Variants in ROBO2 observed in about 807,000 individuals in gnomAD.
ROBO2 encodes roundabout guidance receptor 2.
Under a neutral mutation model 160.8 loss-of-function variants are expected in ROBO2, and 53 were observed. The observed-to-expected ratio is 0.33, with a 90% confidence interval of 0.26 to 0.41. The LOEUF (loss-of-function observed/expected upper bound fraction) is 0.41. Ranked by LOEUF, ROBO2 falls within the 10% of genes least tolerant of loss-of-function variation. ROBO2 has a pLI of 1.00. For synonymous variants in ROBO2, 664 were observed against 611.7 expected (o/e 1.09, Z -1.26); for missense variants, 1,577 against 1,722.4 (o/e 0.92, Z 1.49).
At chr3:77,032,285 G>T (rs1183477849) in intron 2 of ROBO2, among the ~76,000 whole-genome samples, 1 of 152,072 alleles carries the variant, frequency 6.6e-6, no homozygotes, top group Non-Finnish European at 1.5e-5. Flanking sequence ...TGTTGTACTG[G>T]ATATGAATTA....
chr3:76,266,300 T>C (rs546057735), intron 2 of ROBO2, among the ~76,000 whole-genome samples: 1 of 152,284 alleles, frequency 6.6e-6, no homozygotes, highest in East Asian at 1.9e-4. Context: ...GAAAACTTTT[T>C]AAAATCAAGG....
At chr3:76,255,210 G>C (rs1341007429) in intron 2 of ROBO2, among the ~76,000 whole-genome samples, 2 of 152,038 alleles carry the variant, frequency 1.3e-5, no homozygotes, top group Non-Finnish European at 2.9e-5. Flanking sequence ...CAGGGCTTAC[G>C]TTCATCAGAA....
At chr3:76,651,647 GA>G (rs1430736992) in intron 2 of ROBO2, among the ~76,000 whole-genome samples, 3 of 151,104 alleles carry the variant, frequency 2.0e-5, no homozygotes, top group African/African-American at 7.3e-5. Context: ...ATTATGGGGA[GA>G]AAGTGAAAAA....
At chr3:77,490,329 A>C (rs1385925445) in intron 4 of ROBO2, among the ~76,000 whole-genome samples, 1 of 151,956 alleles carries the variant, frequency 6.6e-6, no homozygotes, top group Non-Finnish European at 1.5e-5. Flanking sequence ...TGACCTCGTG[A>C]TCTGCCCACC....
Position 76,806,513 on chromosome 3 carries a change from CA to C in ROBO2, c.110-291492del, listed in dbSNP as rs534102700. On this transcript the variant is annotated intron_variant, in intron 2 of 26. Coordinates refer to the ROBO2 transcript ENST00000487694. Reference sequence around the variant, plus strand: ...TAGTTTGTCTTCAATAAGTGTTTGCCAAAAAAAAACATGAATAAAAATGAAA... The same window carrying C: ...TAGTTTGTCTTCAATAAGTGTTTGCCAAAAAAAACATGAATAAAAATGAAA... Among the ~76,000 whole-genome samples the C allele has an allele frequency of 1.2e-4, 18 of 147,898 alleles. 1 individual carries two copies. Among genetic ancestry groups the C allele is most frequent in the East Asian group, 7.9e-4 (4 of 5,054 alleles).
chr3:77,091,116 A>G (rs1257855624), intron 1 of ROBO2, among the ~76,000 whole-genome samples: 3 of 152,182 alleles, frequency 2.0e-5, no homozygotes, highest in Non-Finnish European at 4.4e-5. Context: ...CTAATAGCTG[A>G]TAGGGCTATC....
chr3:75,982,074 C>A (rs1350352346), intron 2 of ROBO2, among the ~76,000 whole-genome samples: 1 of 151,502 alleles, frequency 6.6e-6, no homozygotes, highest in Non-Finnish European at 1.5e-5. Flanking sequence ...ATCTCCAGTT[C>A]CATCCATATT....
intron 2 of ROBO2, among the ~76,000 whole-genome samples, chr3:76,103,074 C>T (rs546771340): frequency 3.9e-5 from 6 of 152,158 alleles, no homozygotes; most frequent in East Asian, 3.9e-4. Context: ...CCGCCCGCCT[C>T]GGCCTCCCAA....
chr3:76,095,276 G>A (rs1227846967), intron 2 of ROBO2, among the ~76,000 whole-genome samples: 1 of 151,764 alleles, frequency 6.6e-6, no homozygotes, highest in Non-Finnish European at 1.5e-5. Flanking sequence ...TGAAAGCTAA[G>A]GCAACTATAC....
At chr3:76,276,702 T>C (rs544487023) in intron 2 of ROBO2, among the ~76,000 whole-genome samples, 1 of 152,154 alleles carries the variant, frequency 6.6e-6, no homozygotes, top group South Asian at 2.1e-4. Flanking sequence ...TAAAATGTGA[T>C]TGGTTTTTAA....
intron 2 of ROBO2, among the ~76,000 whole-genome samples, chr3:75,942,560 A>G (rs1948104343): frequency 2.0e-5 from 3 of 152,126 alleles, no homozygotes; most frequent in Non-Finnish European, 4.4e-5. Context: ...TTAGTTTTTG[A>G]TTTAAGCGTC....
At chr3:77,374,169 CAAAAAAAAAAAAAAAAAAAA>C (rs60357417) in intron 2 of ROBO2, among the ~76,000 whole-genome samples, 4 of 40,092 alleles carry the variant, frequency 1.0e-4, no homozygotes, top group Non-Finnish European at 1.5e-4. Context: ...GAGACTCCAT[CAAAAAAAAAAAAAAAAAAAA>C]AAAAAAAAAA....
intron 14 of ROBO2, among the ~76,000 whole-genome samples, chr3:77,575,044 C>T (rs766013127): frequency 6.6e-6 from 1 of 152,068 alleles, no homozygotes; most frequent in Non-Finnish European, 1.5e-5. Context: ...AGACAGACGA[C>T]TGGAAATTTG....
intron 2 of ROBO2, among the ~76,000 whole-genome samples, chr3:76,025,917 T>C (rs1332990764): frequency 6.6e-6 from 1 of 151,888 alleles, no homozygotes; most frequent in Non-Finnish European, 1.5e-5. Context: ...CCAGAATTTC[T>C]ACATGAGCTC....
intron 2 of ROBO2, among the ~76,000 whole-genome samples, chr3:76,642,797 A>G (rs1214425258): frequency 2.0e-5 from 3 of 152,180 alleles, no homozygotes; most frequent in African/African-American, 7.2e-5. Flanking sequence ...TTGTCCACCA[A>G]ATACGTAAAA....
At chr3:77,319,297 C>G (rs888280038) in intron 2 of ROBO2, among the ~76,000 whole-genome samples, 9 of 152,144 alleles carry the variant, frequency 5.9e-5, no homozygotes, top group African/African-American at 2.2e-4. Flanking sequence ...TCTTTTACAT[C>G]CTGTATTGTT....
intron 2 of ROBO2, among the ~76,000 whole-genome samples, chr3:76,873,079 AT>A (rs2072292829): frequency 6.6e-6 from 1 of 152,198 alleles, no homozygotes; most frequent in South Asian, 2.1e-4. Context: ...TGACTAAAAA[AT>A]AGCCAGGAAC....
rs377505121 is a variant in ROBO2 at position 76,899,767 on chromosome 3, G to A, written c.110-198247G>A. ...AGGTGTGATTCATTTCATGGGCCTT[G>A]TACCATTTTTTTAAGTCACAGAAAC... On this transcript the variant is annotated intron_variant, in intron 2 of 26. Transcript: ENST00000487694. Among the ~76,000 whole-genome samples, 16 of 152,112 alleles carry A rather than the reference G, an allele frequency of 1.1e-4. No individual in the cohort carries two copies. The East Asian group carries it at 1.9e-3, about 18-fold the overall frequency.
At chr3:75,974,543 G>C (rs72890317) in intron 2 of ROBO2, among the ~76,000 whole-genome samples, 3,033 of 151,660 alleles carry the variant, frequency 0.02, 93 homozygotes, top group African/African-American at 0.068. Context: ...TCAAAGTACT[G>C]TTGGTATCAA....
Sources: gnomAD v4.1 joint callset for allele counts (sites outside exome capture counted in the v4.1 genomes callset) on GRCh38, gnomAD v4.1.1 for gene constraint, MANE v1.5 for transcripts, NCBI Gene and HGNC (gene_info 2026-07-23, HGNC 2026-07-21) for gene names.